CFAP161: variants seen among roughly 807,000 people sequenced by gnomAD.
CFAP161 encodes the protein cilia- and flagella-associated protein 161.
CFAP161 carries 25 observed loss-of-function variants against 29.0 expected under a neutral mutation model. The ratio of observed to expected loss-of-function variants is 0.86; its 90% confidence interval spans 0.63 to 1.20. The LOEUF (loss-of-function observed/expected upper bound fraction) is 1.20. Ranked by LOEUF, CFAP161 falls within the 50% of genes most tolerant of loss-of-function variation. The pLI, the probability that CFAP161 is intolerant of heterozygous loss-of-function variation, is 0.00. For missense variants in CFAP161, 367 were observed against 371.9 expected (o/e 0.99, Z 0.11); for synonymous variants, 116 against 137.4 (o/e 0.84, Z 1.09).
At chr15:81,108,174 G>T (rs1894397505) in intron 1 of CFAP161, among the ~76,000 whole-genome samples, 1 of 152,128 alleles carries the variant, frequency 6.6e-6, no homozygotes, top group Admixed American at 6.5e-5. Flanking sequence ...CTATTGTACT[G>T]TAAGTGAATA....
At chr15:81,104,504 A>G (rs1040448565) in intron 1 of CFAP161, among the ~76,000 whole-genome samples, 3 of 152,246 alleles carry the variant, frequency 2.0e-5, no homozygotes, top group African/African-American at 7.2e-5. Flanking sequence ...ATCCTCTCCC[A>G]TGAGTGGGAC....
chr15:81,132,241 T>A (rs1894721453), upstream of CFAP161, among the ~76,000 whole-genome samples: 1 of 152,140 alleles, frequency 6.6e-6, no homozygotes, highest in African/African-American at 2.4e-5. Flanking sequence ...TGTGCTGCTG[T>A]ACTCCAGCCA....
At chr15:81,134,008 A>G (rs1407093992), upstream of CFAP161, among the ~76,000 whole-genome samples, 1 of 152,188 alleles carries the variant, frequency 6.6e-6, no homozygotes, top group Non-Finnish European at 1.5e-5. Context: ...GGGGTACTCG[A>G]TAGCACTTTT....
intron 4 of CFAP161, among the ~76,000 whole-genome samples, chr15:81,141,333 A>T (rs181220994): frequency 6.6e-6 from 1 of 152,226 alleles, no homozygotes; most frequent in African/African-American, 2.4e-5. Flanking sequence ...GAATAAGGAT[A>T]GAACATTTGA....
intron 1 of CFAP161, among the ~76,000 whole-genome samples, chr15:81,106,728 T>G (rs1894377682): frequency 6.6e-6 from 1 of 152,174 alleles, no homozygotes; most frequent in African/African-American, 2.4e-5. Context: ...GAAGCCCTTG[T>G]CCTAAACATT....
intron 1 of CFAP161, 85 bp downstream of exon 1, chr15:81,134,483 T>C: frequency 7.6e-7 from 1 of 1,314,422 alleles, no homozygotes; most frequent in Non-Finnish European, 1.1e-6. Flanking sequence ...TTTGAGCGCC[T>C]CAAGCCTCCT....
At position 81,138,140 on chromosome 15, in the gene CFAP161, G is replaced by C; in HGVS notation, c.477+5G>C. ...GGAGGATTTGACAACAAAATGGTGA[G>C]TTATCACTTTGCATATCTACTTTGG... On this transcript the variant is annotated splice_donor_5th_base_variant and intron_variant, in intron 4 of 6. Coordinates refer to ENST00000286732, the MANE Select transcript of CFAP161 (RefSeq NM_173528.4). 6.2e-7 allele frequency: 1 copy of C among 1,602,152 alleles called. No homozygotes were observed. The highest frequency in any genetic ancestry group is 8.6e-7 in the Non-Finnish European group (1 of 1,169,144).
intron 1 of CFAP161, among the ~76,000 whole-genome samples, chr15:81,101,262 G>A (rs917967882): frequency 4.6e-5 from 7 of 150,720 alleles, no homozygotes; most frequent in Non-Finnish European, 7.4e-5. Flanking sequence ...GCTGGGTGCC[G>A]TGGCCTGTCA....
intron 1 of CFAP161, among the ~76,000 whole-genome samples, chr15:81,125,377 A>T (rs1172558770): frequency 3.3e-5 from 5 of 152,172 alleles, no homozygotes; most frequent in Non-Finnish European, 7.4e-5. Flanking sequence ...TTAAACTGAC[A>T]ATATTAAAGT....
chr15:81,125,199 T>C (rs1445869900), intron 1 of CFAP161, among the ~76,000 whole-genome samples: 1 of 152,116 alleles, frequency 6.6e-6, no homozygotes, highest in African/African-American at 2.4e-5. Flanking sequence ...CTAGACTACT[T>C]ATGAGAACTG....
rs539166885 is a variant in CFAP161 at position 81,117,756 on chromosome 15, T to G, written c.-141-9834T>G. ...CATCTTTATCAAGTCCAAATTCTTC[T>G]TCCTCCTCGCTGACTTCATCTTTGT... On this transcript the variant is annotated intron_variant, in intron 1 of 4. Transcript: ENST00000560091. The G allele has an allele frequency of 5.0e-4, 149 of 300,572 alleles. 1 individual carries two copies. Among genetic ancestry groups the G allele is most frequent in the Non-Finnish European group, 8.7e-4 (130 of 150,088 alleles). The allele number at this position is 300,572 out of a possible 1,614,324, so 18.6% of individuals were successfully genotyped here.
rs555972871 is a variant in CFAP161 at position 81,148,452 on chromosome 15, G to C, written c.825G>C (p.Ser275=). Residue 275 remains serine (S), a synonymous_variant, in exon 7 of 7, where the codon TCG becomes TCC. Transcript: ENST00000286732. ...MLVTGNPRDA[S]SSMLDLPKPP... is the part of the protein sequence containing the mutation. ...TTACTGGGAATCCCAGGGATGCCTC[G>C]TCCTCCATGTTGGATCTGCCCAAAC... is the stretch of plus-strand genomic sequence containing the variant. The C allele has an allele frequency of 3.7e-6, 6 of 1,614,062 alleles. No homozygotes were observed. Among genetic ancestry groups the C allele is most frequent in the Non-Finnish European group, 3.4e-6 (4 of 1,180,042 alleles).
Position 81,148,332 on chromosome 15 carries a change from C to T in CFAP161, c.711-6C>T, listed in dbSNP as rs1895045116. The T allele has an allele frequency of 1.9e-6, 3 of 1,607,318 alleles. No individual in the cohort carries two copies. The highest frequency in any genetic ancestry group is 2.6e-6 in the Non-Finnish European group (3 of 1,174,362). ...TCAAACCACAACTGATTCTCTCTTG[C>T]TCCAGCACCTATTTTGGAAAGGAGG... On this transcript the variant is annotated splice_region_variant and splice_polypyrimidine_tract_variant and intron_variant, in intron 6 of 6. Coordinates refer to ENST00000286732, the MANE Select transcript of CFAP161 (RefSeq NM_173528.4).
chr15:81,105,337 TCTTCCCTC>T (rs1377014341), intron 1 of CFAP161, among the ~76,000 whole-genome samples: 2 of 113,904 alleles, frequency 1.8e-5, no homozygotes, highest in African/African-American at 3.2e-5. Flanking sequence ...CTTCTTCTTT[TCTTCCCTC>T]CTTCCCTCCT....
chr15:81,130,993 A>G (rs1176911902), upstream of CFAP161, among the ~76,000 whole-genome samples: 1 of 152,192 alleles, frequency 6.6e-6, no homozygotes, highest in Non-Finnish European at 1.5e-5. Context: ...ACAGATCACC[A>G]TAATAGATAT....
intron 5 of CFAP161, 71 bp from the exon 6 acceptor site, chr15:81,147,787 G>T: frequency 2.5e-6 from 3 of 1,203,054 alleles, no homozygotes; most frequent in South Asian, 3.2e-5. Flanking sequence ...TTGCTTTTAG[G>T]TAAGCTTTTC....
At chr15:81,143,381 A>C (rs1374717835) in intron 4 of CFAP161, among the ~76,000 whole-genome samples, 1 of 152,174 alleles carries the variant, frequency 6.6e-6, no homozygotes, top group African/African-American at 2.4e-5. Context: ...AACAGGGGAC[A>C]GGGAGTAGGA....
At chr15:81,146,882 A>T (rs935622351) in intron 5 of CFAP161, among the ~76,000 whole-genome samples, 12 of 112,644 alleles carry the variant, frequency 1.1e-4, no homozygotes, top group Non-Finnish European at 3.7e-5. Context: ...ATATATATAT[A>T]TTTAAAAAGC....
intron 1 of CFAP161, among the ~76,000 whole-genome samples, chr15:81,114,465 T>C (rs1360935495): frequency 6.6e-6 from 1 of 152,214 alleles, no homozygotes; most frequent in African/African-American, 2.4e-5. Flanking sequence ...TTAGGGTGGC[T>C]ATGGCAATTT....
Sources: allele counts gnomAD v4.1 joint callset (sites outside exome capture counted in the v4.1 genomes callset), GRCh38; gene constraint gnomAD v4.1.1; transcripts MANE v1.5; gene names NCBI Gene and HGNC (gene_info 2026-07-23, HGNC 2026-07-21).